Variants in BABAM2 observed in about 807,000 individuals in gnomAD.
BABAM2 encodes the protein BRISC and BRCA1-A complex member 2.
A neutral mutation model predicts 54.7 loss-of-function variants in BABAM2; 31 were observed. The observed-to-expected ratio is 0.57, with a 90% CI of 0.43 to 0.77. The LOEUF (loss-of-function observed/expected upper bound fraction) is 0.77. Among genes scored for constraint, BABAM2 ranks in the 30% least tolerant of loss-of-function variants. BABAM2 has a pLI of 0.00. For missense variants in BABAM2, 364 were observed against 455.8 expected (o/e 0.80, Z 1.83); for synonymous variants, 167 against 162.9 (o/e 1.03, Z -0.19).
At chr2:28,241,555 C>G (rs1225566779) in intron 9 of BABAM2, among the ~76,000 whole-genome samples, 162 bp downstream of exon 9, 1 of 151,788 alleles carries the variant, frequency 6.6e-6, no homozygotes, top group Non-Finnish European at 1.5e-5. Context: ...AGTGTAATGA[C>G]ATGATCTTGG....
chr2:28,248,207 C>CTTTTTTTTTTTTT (rs780563394), intron 10 of BABAM2, among the ~76,000 whole-genome samples: 34 of 54,290 alleles, frequency 6.3e-4, no homozygotes, highest in Admixed American at 9.4e-4. Flanking sequence ...TTTTCTTTTT[C>CTTTTTTTTTTTTT]TTTTTTTTTT....
intron 11 of BABAM2, among the ~76,000 whole-genome samples, chr2:28,301,311 G>A (rs1436022772): frequency 6.6e-6 from 1 of 152,128 alleles, no homozygotes; most frequent in Non-Finnish European, 1.5e-5. Context: ...CACTGACCAG[G>A]GCTTTTCCTA....
intron 6 of BABAM2, among the ~76,000 whole-genome samples, chr2:28,054,953 A>G (rs1186484055): frequency 6.6e-6 from 1 of 152,226 alleles, no homozygotes; most frequent in Non-Finnish European, 1.5e-5. Context: ...TGTATTTCAA[A>G]GTATTGAATT....
At chr2:28,129,462 C>A in intron 7 of BABAM2, 82 bp downstream of exon 7, 2 of 1,195,590 alleles carry the variant, frequency 1.7e-6, no homozygotes, top group African/African-American at 1.5e-5. Flanking sequence ...CACTCTTGAA[C>A]TCTTACATTT....
intron 10 of BABAM2, among the ~76,000 whole-genome samples, chr2:28,257,449 G>A (rs555524095): frequency 1.5e-4 from 23 of 152,252 alleles, no homozygotes; most frequent in Admixed American, 1.1e-3. Flanking sequence ...TTAGCATAAC[G>A]TTTTTGAGAT....
chr2:28,308,718 T>C (rs1688783325), intron 11 of BABAM2: 1 of 231,600 alleles, frequency 4.3e-6, no homozygotes, highest in Admixed American at 5.1e-5. Context: ...TTTCACCATG[T>C]GTCTGAGGCT....
intron 6 of BABAM2, among the ~76,000 whole-genome samples, chr2:28,114,202 T>C (rs181484869): frequency 2.0e-5 from 3 of 152,014 alleles, no homozygotes; most frequent in East Asian, 1.9e-4. Flanking sequence ...AAATAAAGAG[T>C]ATTCAAACAG....
intron 7 of BABAM2, 90 bp from the exon 8 acceptor site, chr2:28,237,112 T>G (rs1681984758): frequency 9.5e-7 from 1 of 1,051,810 alleles, no homozygotes; most frequent in Middle Eastern, 2.2e-4. Context: ...GGCCAGACTT[T>G]GATGAGAGAA....
chr2:28,050,840 TC>T (rs1292368005), intron 6 of BABAM2, among the ~76,000 whole-genome samples: 1 of 152,066 alleles, frequency 6.6e-6, no homozygotes, highest in Admixed American at 6.5e-5. Context: ...GAGGAACAGA[TC>T]AGGGATGGAT....
At chr2:28,270,417 G>T (rs1446517237) in intron 10 of BABAM2, among the ~76,000 whole-genome samples, 1 of 152,164 alleles carries the variant, frequency 6.6e-6, no homozygotes, top group Non-Finnish European at 1.5e-5. Flanking sequence ...CACTTTGCCT[G>T]GCCCCTCATG....
intron 11 of BABAM2, among the ~76,000 whole-genome samples, chr2:28,332,611 T>C (rs1050799022): frequency 3.3e-5 from 5 of 152,084 alleles, no homozygotes; most frequent in Admixed American, 3.3e-4. Flanking sequence ...GGAGAGCTGT[T>C]TGAGGACCAG....
chr2:28,148,593 G>A (rs1282556411), intron 7 of BABAM2, among the ~76,000 whole-genome samples: 2 of 152,124 alleles, frequency 1.3e-5, no homozygotes, highest in East Asian at 3.9e-4. Context: ...CTTGTTGGAG[G>A]ATGGGCCAGG....
intron 3 of BABAM2, among the ~76,000 whole-genome samples, chr2:27,985,884 G>GTGTAAA (rs1672362102): frequency 6.6e-6 from 1 of 152,084 alleles, no homozygotes; most frequent in Admixed American, 6.6e-5. Context: ...AACAATATAA[G>GTGTAAA]ACTACTTACA....
chr2:28,068,456 A>G (rs975773021), intron 6 of BABAM2, among the ~76,000 whole-genome samples: 3 of 152,250 alleles, frequency 2.0e-5, no homozygotes, highest in African/African-American at 7.2e-5. Context: ...TTTAAGTTAT[A>G]AAACTTAATC....
chr2:28,250,595 G>GTTTTTTTT (rs1553350055), intron 10 of BABAM2, among the ~76,000 whole-genome samples: 6 of 139,236 alleles, frequency 4.3e-5, no homozygotes, highest in Admixed American at 7.3e-5. Flanking sequence ...TTTTTTTTTT[G>GTTTTTTTT]TTTGTTTGTT....
chr2:28,231,616 A>G (rs1271289341), intron 7 of BABAM2, among the ~76,000 whole-genome samples: 1 of 152,050 alleles, frequency 6.6e-6, no homozygotes. Context: ...ATTCAGGGGC[A>G]AAAGCAGGAT....
chr2:28,249,188 A>G (rs1040521137), intron 10 of BABAM2, among the ~76,000 whole-genome samples: 5 of 150,514 alleles, frequency 3.3e-5, no homozygotes, highest in African/African-American at 9.8e-5. Context: ...CCTTGAGTTC[A>G]AGCGTTTCTT....
intron 2 of BABAM2, among the ~76,000 whole-genome samples, chr2:27,897,591 C>A (rs1439774685): frequency 6.6e-6 from 1 of 151,102 alleles, no homozygotes; most frequent in East Asian, 1.9e-4. Flanking sequence ...ATTTATAAAT[C>A]AACTCTCATC....
rs531450420 is a variant in BABAM2, at chr2:27,937,957, T to C, written c.205+8049T>C. ...GTTTCCGATCTTACGTTTAACTCTT[T>C]AATCCTTTTTGAGTTGATTTTTGTA... is the stretch of plus-strand genomic sequence containing the variant. On this transcript the variant is annotated intron_variant, in intron 3 of 11. Coordinates refer to ENST00000379624, the MANE Select transcript of BABAM2 (RefSeq NM_199191.3). 2.1e-3 allele frequency among the ~76,000 whole-genome samples: 320 copies of C among 152,356 alleles called. 1 individual carries two copies. The highest frequency in any genetic ancestry group is 7.3e-3 in the African/African-American group (303 of 41,590).
Sources: gnomAD v4.1 joint callset for allele counts (sites outside exome capture counted in the v4.1 genomes callset) on GRCh38, gnomAD v4.1.1 for gene constraint, MANE v1.5 for transcripts, NCBI Gene and HGNC (gene_info 2026-07-23, HGNC 2026-07-21) for gene names.